ANO4: variants seen among roughly 807,000 people sequenced by gnomAD.
ANO4 encodes anoctamin-4.
ANO4 carries 69 observed loss-of-function variants against 141.9 expected under a neutral mutation model. That is an observed-to-expected ratio of 0.49 (90% CI 0.40 to 0.59). The LOEUF is 0.59. Ranked by LOEUF, ANO4 falls within the 20% of genes least tolerant of loss-of-function variation. ANO4 has a pLI of 0.00. For missense variants in ANO4, 894 were observed against 1,162.2 expected (o/e 0.77, Z 3.36); for synonymous variants, 350 against 394.3 (o/e 0.89, Z 1.33).
At chr12:100,946,138 A>C (rs2042710209) in intron 5 of ANO4, among the ~76,000 whole-genome samples, 1 of 152,190 alleles carries the variant, frequency 6.6e-6, no homozygotes, top group African/African-American at 2.4e-5. Context: ...TTCATGGAAC[A>C]GTGAGGATGC....
intron 1 of ANO4, among the ~76,000 whole-genome samples, chr12:100,872,741 T>C (rs1593587796): frequency 1.3e-5 from 2 of 152,246 alleles, no homozygotes; most frequent in African/African-American, 4.8e-5. Flanking sequence ...CTTAGTTGTA[T>C]AACTTCTACA....
intron 17 of ANO4, among the ~76,000 whole-genome samples, chr12:101,088,520 T>C (rs1281645696): frequency 3.9e-5 from 6 of 152,154 alleles, no homozygotes; most frequent in Non-Finnish European, 7.3e-5. Context: ...TTTATTTTGT[T>C]TGTTTGTTTA....
At chr12:100,930,064 A>G (rs976820179) in intron 3 of ANO4, among the ~76,000 whole-genome samples, 1 of 152,076 alleles carries the variant, frequency 6.6e-6, no homozygotes, top group African/African-American at 2.4e-5. Flanking sequence ...TGAGCTCCAT[A>G]TATATTTTGG....
intron 1 of ANO4, among the ~76,000 whole-genome samples, chr12:100,887,033 T>G (rs541894398): frequency 7.9e-5 from 12 of 152,336 alleles, no homozygotes; most frequent in African/African-American, 2.9e-4. Context: ...GACAATAGAT[T>G]GCCTGTAAAA....
At chr12:100,815,531 T>G (rs1223844726) in intron 1 of ANO4, among the ~76,000 whole-genome samples, 3 of 152,162 alleles carry the variant, frequency 2.0e-5, no homozygotes, top group African/African-American at 7.2e-5. Flanking sequence ...GTATTTCATT[T>G]ACTATACTGC....
Position 101,048,402 on chromosome 12 carries a change from G to GT in ANO4, c.1312+2dup. 6.2e-7 allele frequency: 1 copy of GT among 1,613,302 alleles called. No homozygotes were observed. Among genetic ancestry groups the GT allele is most frequent in the Non-Finnish European group, 8.5e-7 (1 of 1,179,416 alleles). On this transcript the variant is annotated splice_donor_variant, in intron 14 of 27. Transcript: ENST00000392977. LOFTEE classifies it high-confidence loss of function. ...TTTGCTGTTTTCATGGCAGTCTGGG[G>GT]TAAGTGTTCTATAACCATAAAACTT...
intron 1 of ANO4, among the ~76,000 whole-genome samples, chr12:100,841,077 A>G (rs76630074): frequency 0.017 from 2,664 of 152,260 alleles, 75 homozygotes; most frequent in African/African-American, 0.06. Context: ...TTTAAAAAAA[A>G]GATGCCTGTG....
chr12:101,020,181 G>T (rs774215931), intron 9 of ANO4, 41 bp downstream of exon 9: 1 of 1,378,586 alleles, frequency 7.3e-7, no homozygotes, highest in Non-Finnish European at 1.0e-6. Context: ...TTTGGCATTT[G>T]GGAATTACAG....
At chr12:100,939,102 AT>A (rs2042401065) in intron 3 of ANO4, among the ~76,000 whole-genome samples, 1 of 152,118 alleles carries the variant, frequency 6.6e-6, no homozygotes, top group African/African-American at 2.4e-5. Context: ...TTTGCTTTTT[AT>A]TTTCCTTAAT....
At chr12:100,771,001 A>G (rs944957384) in intron 3 of ANO4, among the ~76,000 whole-genome samples, 1 of 152,166 alleles carries the variant, frequency 6.6e-6, no homozygotes, top group Non-Finnish European at 1.5e-5. Flanking sequence ...GGTTTAAGTT[A>G]CTGAGAATTC....
intron 7 of ANO4, among the ~76,000 whole-genome samples, chr12:100,983,305 G>T (rs540876258): frequency 4.6e-5 from 7 of 152,308 alleles, no homozygotes; most frequent in African/African-American, 1.4e-4. Context: ...GTTTTAAGAG[G>T]TGTATTCATT....
intron 8 of ANO4, among the ~76,000 whole-genome samples, chr12:101,014,116 C>T (rs935225590): frequency 3.9e-5 from 6 of 151,966 alleles, no homozygotes; most frequent in African/African-American, 1.5e-4. Flanking sequence ...TATACAACGC[C>T]CATGCCCATA....
At chr12:100,949,445 C>A (rs2042879683) in intron 5 of ANO4, among the ~76,000 whole-genome samples, 1 of 152,180 alleles carries the variant, frequency 6.6e-6, no homozygotes, top group African/African-American at 2.4e-5. Flanking sequence ...GGATTTATCT[C>A]ATGGGTTATT....
intron 3 of ANO4, among the ~76,000 whole-genome samples, chr12:100,938,313 C>T (rs1015194258): frequency 1.8e-4 from 28 of 152,332 alleles, no homozygotes; most frequent in Admixed American, 1.4e-3. Context: ...AGCCAGGTCA[C>T]TTTTATTCAC....
At chr12:100,836,815 T>A (rs1220048694) in intron 1 of ANO4, among the ~76,000 whole-genome samples, 1 of 152,138 alleles carries the variant, frequency 6.6e-6, no homozygotes, top group East Asian at 1.9e-4. Flanking sequence ...CTGAGGGATT[T>A]GCATTTGCCC....
chr12:100,744,922 C>T (rs528486269), intron 3 of ANO4, among the ~76,000 whole-genome samples: 1 of 151,986 alleles, frequency 6.6e-6, no homozygotes, highest in South Asian at 2.1e-4. Context: ...CTCACTCCCC[C>T]TCACTTTCTG....
chr12:100,981,922 T>C (rs1592918128), intron 7 of ANO4, among the ~76,000 whole-genome samples: 1 of 152,094 alleles, frequency 6.6e-6, no homozygotes, highest in East Asian at 1.9e-4. Flanking sequence ...GAACTGAGGG[T>C]CAAAGAGATC....
At chr12:101,057,170 A>C (rs681248) in intron 14 of ANO4, among the ~76,000 whole-genome samples, 108,984 of 151,456 alleles carry the variant, frequency 0.72, 40,378 homozygotes, top group African/African-American at 0.89. Flanking sequence ...CATGTCCCTG[A>C]AAAGGACATG....
intron 5 of ANO4, among the ~76,000 whole-genome samples, chr12:100,966,775 CTATATATATACACACACATG>C (rs763960604): frequency 9.3e-5 from 14 of 151,208 alleles, no homozygotes; most frequent in African/African-American, 2.4e-4. Context: ...TGTGTTTATA[CTATATATATACACACACATG>C]TATATATATA....
Sources: gnomAD v4.1 joint callset for allele counts (sites outside exome capture counted in the v4.1 genomes callset) on GRCh38, gnomAD v4.1.1 for gene constraint, MANE v1.5 for transcripts, NCBI Gene and HGNC (gene_info 2026-07-23, HGNC 2026-07-21) for gene names.